UFC1: variants seen among roughly 807,000 people sequenced by gnomAD.
UFC1 encodes ubiquitin-fold modifier conjugating enzyme 1, also known as ubiquitin-fold modifier-conjugating enzyme 1.
In UFC1, 22 loss-of-function variants were observed where a neutral mutation model predicts 28.0. That is an observed-to-expected ratio of 0.78 (90% CI 0.56 to 1.12). UFC1 has a LOEUF of 1.12. Among genes scored for constraint, UFC1 ranks in the 50% most tolerant of loss-of-function variants. UFC1 has a pLI of 0.00. For missense variants in UFC1, 189 were observed against 207.8 expected (o/e 0.91, Z 0.56); for synonymous variants, 61 against 74.5 (o/e 0.82, Z 0.93).
chr1:161,156,874 A>T (rs1657523591), intron 1 of UFC1, 76 bp from the exon 2 acceptor site: 3 of 1,251,288 alleles, frequency 2.4e-6, no homozygotes, highest in South Asian at 1.3e-5. Context: ...AAATAACCAC[A>T]TACTTTTCTT....
At chr1:161,154,802 T>C (rs1657466249) in intron 1 of UFC1, among the ~76,000 whole-genome samples, 1 of 152,194 alleles carries the variant, frequency 6.6e-6, no homozygotes, top group South Asian at 2.1e-4. Flanking sequence ...CTCTTCACTC[T>C]TTCAAGCCAC....
In UFC1 at chr1:161,158,112, C is replaced by T. The variant is rs747359272; in HGVS notation, c.333-9C>T. ...GCATGTCAACACCTTCTTCATGTCC[C>T]TCTCATAGGGGTGGCAAAATATGCC... On this transcript the variant is annotated splice_polypyrimidine_tract_variant and intron_variant, in intron 4 of 5. Coordinates refer to ENST00000368003, the MANE Select transcript of UFC1 (RefSeq NM_016406.4). 17 of 1,613,664 alleles carry T rather than the reference C, an allele frequency of 1.1e-5. No homozygotes were observed. The highest frequency in any genetic ancestry group is 4.4e-5 in the South Asian group (4 of 91,086).
At chr1:161,158,089 A>G in intron 4 of UFC1, 32 bp from the exon 5 acceptor site, 1 of 1,589,974 alleles carries the variant, frequency 6.3e-7, no homozygotes. Flanking sequence ...TAAACTTTGC[A>G]TGTCAACACC....
At chr1:161,156,536 CA>C (rs754220776) in intron 1 of UFC1, among the ~76,000 whole-genome samples, 3,472 of 49,760 alleles carry the variant, frequency 0.07, 30 homozygotes, top group Non-Finnish European at 0.083. Flanking sequence ...GAGACTGTCT[CA>C]AAAAAAAAAA....
Position 161,158,511 on chromosome 1 carries a change from C to G in UFC1, c.*19C>G, listed in dbSNP as rs1345607431. The G allele has an allele frequency of 6.2e-7, 1 of 1,613,480 alleles. No individual in the cohort carries two copies. On this transcript the variant is annotated 3_prime_UTR_variant, in exon 6 of 6. Transcript: ENST00000368003. ...CCAATGAAGAATCAAGCCACTGAGGCAGGGCAGAGGGACCTTTGATAGGCT... is the reference window on the plus strand; with the variant it reads ...CCAATGAAGAATCAAGCCACTGAGGGAGGGCAGAGGGACCTTTGATAGGCT...
chr1:161,155,413 C>T (rs1309301328), intron 1 of UFC1, among the ~76,000 whole-genome samples: 1 of 152,122 alleles, frequency 6.6e-6, no homozygotes, highest in African/African-American at 2.4e-5. Flanking sequence ...AAATGTGAGG[C>T]AGGGAATGGT....
chr1:161,158,070 G>A (rs759324233), intron 4 of UFC1, 51 bp from the exon 5 acceptor site: 3 of 1,503,950 alleles, frequency 2.0e-6, no homozygotes, highest in East Asian at 4.5e-5. Context: ...AGGCTGCTGT[G>A]CTTTATGGTA....
intron 3 of UFC1, 131 bp from the exon 4 acceptor site, chr1:161,157,486 A>T (rs1657549434): frequency 8.9e-6 from 11 of 1,231,974 alleles, no homozygotes; most frequent in Non-Finnish European, 1.3e-5. Flanking sequence ...CACATCCAGA[A>T]TCCTGGTATG....
intron 3 of UFC1, 77 bp downstream of exon 3, chr1:161,157,394 C>T (rs1657547903): frequency 1.9e-6 from 3 of 1,568,428 alleles, no homozygotes; most frequent in African/African-American, 1.4e-5. Context: ...GCTATCCTTT[C>T]TTGAAGGGAC....
In UFC1 at chr1:161,158,443, A is replaced by T; in HGVS notation, c.455A>T (p.Asp152Val). 6.2e-7 allele frequency: 1 copy of T among 1,614,188 alleles called. No individual in the cohort carries two copies. The highest frequency in any genetic ancestry group is 8.5e-7 in the Non-Finnish European group (1 of 1,180,032). Residue 152 changes from aspartate (D) to valine (V), a missense_variant, in exon 6 of 6, where the codon GAT (aspartate) becomes GTT (valine). Physicochemically the swap from Asp to Val is radical, Grantham distance 152. Transcript: ENST00000368003. ...LGPWLAVEIP[D>V]LIQKGVIQHK... ...CCATGGCTGGCAGTGGAAATCCCTG[A>T]TCTGATTCAGAAGGGCGTCATCCAA...
chr1:161,157,534 T>G, intron 3 of UFC1, 83 bp from the exon 4 acceptor site: 1 of 1,439,096 alleles, frequency 6.9e-7, no homozygotes. Flanking sequence ...ACATTTCAGT[T>G]TAACCAAGAA....
At chr1:161,156,560 G>T (rs1399081240) in intron 1 of UFC1, among the ~76,000 whole-genome samples, 1 of 139,634 alleles carries the variant, frequency 7.2e-6, no homozygotes, top group South Asian at 2.3e-4. Context: ...AAAAAAAACC[G>T]GCTGGGTGTA....
chr1:161,153,978 C>G lies in UFC1; in HGVS notation c.-20C>G. ...TACAGGCAACACCACTTCCGCGTTT[C>G]TCTTGCGCCCTGGTCCAAGATGGCG... On this transcript the variant is annotated 5_prime_UTR_variant, in exon 1 of 6. Transcript: ENST00000368003. 5 of 1,614,004 alleles carry G rather than the reference C, an allele frequency of 3.1e-6. No homozygotes were observed. The highest frequency in any genetic ancestry group is 1.3e-5 in the African/African-American group (1 of 75,038).
At chr1:161,157,165 G>T in intron 2 of UFC1, 89 bp from the exon 3 acceptor site, 1 of 1,564,918 alleles carries the variant, frequency 6.4e-7, no homozygotes, top group Non-Finnish European at 8.8e-7. Flanking sequence ...CCCATCCTAT[G>T]AGTCTCCCAG....
intron 1 of UFC1, among the ~76,000 whole-genome samples, chr1:161,156,193 T>C (rs1657498648): frequency 6.6e-6 from 1 of 152,100 alleles, no homozygotes; most frequent in Admixed American, 6.5e-5. Flanking sequence ...CAGTATAGCC[T>C]TGTCTTCAGC....
At chr1:161,154,931 T>A (rs2101788721) in intron 1 of UFC1, among the ~76,000 whole-genome samples, 1 of 152,282 alleles carries the variant, frequency 6.6e-6, no homozygotes, top group Middle Eastern at 3.4e-3. Context: ...AAGTTTGTCT[T>A]CCTTGTAGTT....
intron 1 of UFC1, among the ~76,000 whole-genome samples, chr1:161,156,536 CAA>C (rs754220776): frequency 1.8e-4 from 9 of 49,792 alleles, no homozygotes; most frequent in Non-Finnish European, 2.4e-4. Context: ...GAGACTGTCT[CAA>C]AAAAAAAAAA....
At chr1:161,157,137 C>A in intron 2 of UFC1, 117 bp from the exon 3 acceptor site, 1 of 1,505,956 alleles carries the variant, frequency 6.6e-7, no homozygotes, top group Non-Finnish European at 9.2e-7. Context: ...ACTCCCACAG[C>A]GCCAGAGTTC....
At chr1:161,156,584 G>T (rs1191034838) in intron 1 of UFC1, among the ~76,000 whole-genome samples, 1 of 148,074 alleles carries the variant, frequency 6.8e-6, no homozygotes, top group Non-Finnish European at 1.5e-5. Context: ...GCTCACGCCT[G>T]TAATCCTAGC....
Sources: allele counts gnomAD v4.1 joint callset (sites outside exome capture counted in the v4.1 genomes callset), GRCh38; gene constraint gnomAD v4.1.1; transcripts MANE v1.5; gene names NCBI Gene and HGNC (gene_info 2026-07-23, HGNC 2026-07-21).